The following ZNF420 variants were observed in gnomAD, a reference collection of about 807,000 sequenced individuals.
ZNF420 encodes the protein ATM and p53-associated KZNF protein.
Under a neutral mutation model 44.7 loss-of-function variants are expected in ZNF420, and 31 were observed. That is an observed-to-expected ratio of 0.69 (90% CI 0.52 to 0.94). The LOEUF (loss-of-function observed/expected upper bound fraction) is 0.94, where lower values mean the gene tolerates loss of function less well. Among genes scored for constraint, ZNF420 ranks in the 40% least tolerant of loss-of-function variants. The probability of loss-of-function intolerance (pLI) is 0.00; values close to 1 mark genes in which losing one functional copy is unlikely to be tolerated. For missense variants in ZNF420, 681 were observed against 827.9 expected, an observed-to-expected ratio of 0.82 and a Z score of 2.18; for synonymous variants, 245 against 267.4, an observed-to-expected ratio of 0.92 and a Z score of 0.82.
chr19:37,115,474 T>C (rs1273608960), intron 4 of ZNF420, among the ~76,000 whole-genome samples: 1 of 151,738 alleles, frequency 6.6e-6, no homozygotes, highest in African/African-American at 2.4e-5. Context: ...AACAGAGGTC[T>C]TTGTGTCATA....
chr19:37,128,391 G>C lies in ZNF420; in HGVS notation c.1400G>C (p.Arg467Pro). Residue 467 changes from arginine (R) to proline (P), a missense_variant, in exon 5 of 5, where the codon CGA becomes CCA. By Grantham distance (103) the Arg-to-Pro change is moderately radical. Around this residue, in one of 3 missense-constraint regions of ZNF420, gnomAD observed 280 missense variants for 338.6 expected, o/e 0.83. Coordinates refer to ENST00000337995, the MANE Select transcript of ZNF420 (RefSeq NM_144689.5). ...SRGSELTQHE[R>P]IHTGEKPYEC... ...GGCTCAGAACTTACTCAACATGAGC[G>C]AATTCACACAGGTGAGAAACCCTAT... is the stretch of plus-strand genomic sequence containing the variant. The C allele has an allele frequency of 1.2e-6, 2 of 1,614,042 alleles. No homozygotes were observed. Among genetic ancestry groups the C allele is most frequent in the South Asian group, 1.1e-5 (1 of 91,082 alleles).
At chr19:37,021,046 A>G (rs1234440059) in intron 1 of ZNF420, among the ~76,000 whole-genome samples, 3 of 152,182 alleles carry the variant, frequency 2.0e-5, no homozygotes, top group Non-Finnish European at 4.4e-5. Context: ...TTTTATGTGT[A>G]TTTCACAATT....
chr19:37,101,804 G>T (rs2146602126), intron 4 of ZNF420, among the ~76,000 whole-genome samples: 1 of 152,326 alleles, frequency 6.6e-6, no homozygotes, highest in Non-Finnish European at 1.5e-5. Flanking sequence ...GGCCCAGATG[G>T]GTGTGCCTTC....
intron 1 of ZNF420, among the ~76,000 whole-genome samples, chr19:37,071,777 G>GT (rs2076122115): frequency 6.6e-6 from 1 of 151,332 alleles, no homozygotes. Context: ...CTCCAGCCTG[G>GT]GCAACAGAGT....
chr19:37,016,615 AT>A (rs144706396), intron 1 of ZNF420, among the ~76,000 whole-genome samples: 3,782 of 152,206 alleles, frequency 0.025, 84 homozygotes, highest in East Asian at 0.078. Flanking sequence ...GTCCCCATGG[AT>A]TGCCAGTTCC....
chr19:37,018,661 G>A (rs1330551513), intron 1 of ZNF420, among the ~76,000 whole-genome samples: 1 of 152,196 alleles, frequency 6.6e-6, no homozygotes, highest in Admixed American at 6.5e-5. Flanking sequence ...TCTGCCTCCT[G>A]GGTTTAAGTA....
chr19:37,057,935 A>G (rs554608272), intron 1 of ZNF420, among the ~76,000 whole-genome samples: 2 of 152,270 alleles, frequency 1.3e-5, no homozygotes, highest in South Asian at 2.1e-4. Flanking sequence ...CGGAGATGAC[A>G]ACAATACCTG....
At chr19:37,066,705 G>A (rs1967973705) in intron 1 of ZNF420, among the ~76,000 whole-genome samples, 1 of 152,152 alleles carries the variant, frequency 6.6e-6, no homozygotes, top group Non-Finnish European at 1.5e-5. Context: ...GTGTAAAATG[G>A]TGCAATCCCT....
At chr19:37,061,917 A>G (rs966498576) in intron 1 of ZNF420, among the ~76,000 whole-genome samples, 1 of 152,228 alleles carries the variant, frequency 6.6e-6, no homozygotes, top group South Asian at 2.1e-4. Flanking sequence ...AATGGTGACA[A>G]TCATTGCTCT....
intron 1 of ZNF420, among the ~76,000 whole-genome samples, chr19:37,080,126 G>T (rs918974374): frequency 6.6e-6 from 1 of 152,214 alleles, no homozygotes; most frequent in Non-Finnish European, 1.5e-5. Flanking sequence ...ACTGTCTCCA[G>T]TGTACAGCTT....
chr19:37,105,893 CTT>C (rs1445686914), intron 4 of ZNF420, among the ~76,000 whole-genome samples: 2 of 152,182 alleles, frequency 1.3e-5, no homozygotes, highest in Non-Finnish European at 2.9e-5. Context: ...TATCCTGAGA[CTT>C]TGCTGAAGTT....
chr19:37,032,975 T>A (rs1217230536), intron 1 of ZNF420, among the ~76,000 whole-genome samples: 1 of 152,154 alleles, frequency 6.6e-6, no homozygotes. Context: ...TAGAAAAAAT[T>A]AATGCTCATT....
chr19:37,129,008 T>G lies in ZNF420; in HGVS notation c.2017T>G (p.Tyr673Asp). 6.2e-7 allele frequency: 1 copy of G among 1,613,868 alleles called. No individual in the cohort carries two copies. The highest frequency in any genetic ancestry group is 8.5e-7 in the Non-Finnish European group (1 of 1,179,826). ...RIHISEKSFE[Y>D]KECGIDFSHG... ...TCATATCAGTGAGAAATCTTTTGAA[T>G]ATAAGGAATGTGGGATTGACTTTAG... is the stretch of plus-strand genomic sequence containing the variant. Residue 673 changes from tyrosine to aspartate, a missense_variant, in exon 5 of 5, where the codon TAT becomes GAT. Around this residue, in one of 3 missense-constraint regions of ZNF420, gnomAD observed 280 missense variants for 338.6 expected, o/e 0.83. Coordinates refer to ENST00000337995, the MANE Select transcript of ZNF420 (RefSeq NM_144689.5).
At chr19:37,063,257 A>G (rs1354820810) in intron 1 of ZNF420, among the ~76,000 whole-genome samples, 1 of 152,084 alleles carries the variant, frequency 6.6e-6, no homozygotes, top group East Asian at 1.9e-4. Context: ...CAAAAACTCA[A>G]TTGTATGTGA....
Position 37,128,924 on chromosome 19 carries a change from T to C in ZNF420, c.1933T>C (p.Cys645Arg), listed in dbSNP as rs761832605. The change falls in exon 5 of 5, where the codon TGT (cysteine) becomes CGT (arginine). Residue 645 changes from cysteine to arginine, a missense_variant. This residue lies in a region of ZNF420 where 280 missense variants were observed against 338.6 expected (regional missense o/e 0.83). Transcript: ENST00000337995. The stretch of plus-strand genomic sequence containing the variant: ...TCATACTGGTGAGAAACCATATCAA[T>C]GTAAGGAATGTGGGAAGGCCTTTAC... ...RIHTGEKPYQ[C>R]KECGKAFTRG... is the part of the protein sequence containing the mutation. 1.2e-6 allele frequency: 2 copies of C among 1,614,142 alleles called. No homozygotes were observed. The highest frequency in any genetic ancestry group is 1.7e-6 in the Non-Finnish European group (2 of 1,179,994).
At chr19:37,026,645 A>T (rs1967165249) in intron 1 of ZNF420, among the ~76,000 whole-genome samples, 1 of 151,386 alleles carries the variant, frequency 6.6e-6, no homozygotes, top group African/African-American at 2.4e-5. Context: ...TATGTTTAGT[A>T]GGTATGGGGT....
intron 1 of ZNF420, among the ~76,000 whole-genome samples, chr19:37,013,432 C>T (rs1454883646): frequency 6.6e-6 from 1 of 152,146 alleles, no homozygotes; most frequent in African/African-American, 2.4e-5. Flanking sequence ...GCAGTGCATC[C>T]GTGTCAAAGC....
intron 4 of ZNF420, among the ~76,000 whole-genome samples, chr19:37,126,401 C>T (rs963947299): frequency 1.3e-5 from 2 of 152,010 alleles, no homozygotes; most frequent in Admixed American, 1.3e-4. Context: ...AGGAGCGAAG[C>T]TGAGAAGGCT....
rs59044151 is a variant in ZNF420 at position 37,129,447 on chromosome 19, A to G, written c.*389A>G. ...TTATTGTAAGATTCTTGGAAGTATT[A>G]TGTAAGTTATTACATGTAAAAGCTC... On this transcript the variant is annotated 3_prime_UTR_variant, in exon 5 of 5. Coordinates refer to ENST00000337995, the MANE Select transcript of ZNF420 (RefSeq NM_144689.5). 3,250 of 180,612 alleles carry G rather than the reference A, an allele frequency of 0.018. 85 individuals are homozygous for G. Among genetic ancestry groups the G allele is most frequent in the East Asian group, 0.049 (330 of 6,780 alleles). The allele number at this position is 180,612 out of a possible 1,614,324, so 11.2% of individuals were successfully genotyped here.
Sources: gnomAD v4.1 joint callset for allele counts (sites outside exome capture counted in the v4.1 genomes callset) on GRCh38, gnomAD v4.1.1 for gene constraint, gnomAD v4.1.1 regional missense constraint, MANE v1.5 for transcripts, NCBI Gene and HGNC (gene_info 2026-07-23, HGNC 2026-07-21) for gene names.